BAHCC1: variants seen among roughly 807,000 people sequenced by gnomAD.
The protein encoded by BAHCC1 is BAH and coiled-coil domain-containing protein 1.
Under a neutral mutation model 88.2 loss-of-function variants are expected in BAHCC1, and 43 were observed. The observed-to-expected ratio is 0.49, with a 90% confidence interval of 0.38 to 0.63. BAHCC1 has a LOEUF of 0.63. Among genes scored for constraint, BAHCC1 ranks in the 20% least tolerant of loss-of-function variants. The pLI, the probability that BAHCC1 is intolerant of heterozygous loss-of-function variation, is 0.00. For synonymous variants in BAHCC1, 1,510 were observed against 745.5 expected (o/e 2.03, Z -16.71); for missense variants, 3,023 against 1,654.8 (o/e 1.83, Z -14.34).
chr17:81,440,348 G>A (rs1376916778), intron 4 of BAHCC1, among the ~76,000 whole-genome samples: 1 of 152,230 alleles, frequency 6.6e-6, no homozygotes, highest in Non-Finnish European at 1.5e-5. Context: ...ATATTTTGGT[G>A]GAGCTGTGTC....
chr17:81,443,727 G>C (rs782795177), intron 5 of BAHCC1, 82 bp from the exon 6 acceptor site: 1 of 683,154 alleles, frequency 1.5e-6, no homozygotes, highest in Non-Finnish European at 2.7e-6. Flanking sequence ...CCCCCAGCTC[G>C]AAGCGGGGTC....
chr17:81,445,094 C>A lies in BAHCC1; in HGVS notation c.2751C>A (p.Gly917=). ...RGPASHMQHP[G]QLPVYSRPQL... ...CCGCCTCTCACATGCAGCACCCGGG[C>A]CAGCTCCCTGTGTACTCGAGGCCGC... Residue 917 remains glycine, a synonymous_variant, in exon 9 of 28, where the codon GGC becomes GGA. Coordinates refer to ENST00000675386, the MANE Select transcript of BAHCC1 (RefSeq NM_001377448.1). 1.3e-6 allele frequency: 1 copy of A among 771,642 alleles called. No homozygotes were observed. Among genetic ancestry groups the A allele is most frequent in the East Asian group, 2.4e-5 (1 of 40,902 alleles). The allele number at this position is 771,642 out of a possible 1,614,324, so 47.8% of individuals were successfully genotyped here. A position where few individuals can be genotyped will look rare whatever the true frequency, so the allele number is the denominator to read the frequency against.
chr17:81,453,752 G>C (rs1344141303), intron 14 of BAHCC1, among the ~76,000 whole-genome samples: 2 of 152,224 alleles, frequency 1.3e-5, no homozygotes, highest in African/African-American at 4.8e-5. Flanking sequence ...AGGACAGGGA[G>C]GGAAACTGAG....
rs782816393 is a variant in BAHCC1, at chr17:81,399,629, G to T, written c.-111G>T. 2 of 712,600 alleles carry T rather than the reference G, an allele frequency of 2.8e-6. No individual in the cohort carries two copies. The highest frequency in any genetic ancestry group is 4.2e-5 in the South Asian group (2 of 47,728). The allele number at this position is 712,600 out of a possible 1,614,324, so 44.1% of individuals were successfully genotyped here. On this transcript the variant is annotated 5_prime_UTR_variant, in exon 2 of 28. Transcript: ENST00000675386. The surrounding 1 kb of genome is among the most constrained non-coding windows in gnomAD (Gnocchi z 4.5). ...GCTGACCGGCCCCGCCGCCACCACCGCCTGTGACCCCGGACGCCGCCGCCT... is the reference window on the plus strand; with the variant it reads ...GCTGACCGGCCCCGCCGCCACCACCTCCTGTGACCCCGGACGCCGCCGCCT...
chr17:81,445,432 G>A lies in BAHCC1; in HGVS notation c.2914G>A (p.Ala972Thr). ...CCCAAAGTCCACCCACAAGCCAGTT[G>A]CCTTAACCCCCACGGCCCCGGGCGC... is the stretch of plus-strand genomic sequence containing the variant. Reference protein sequence around the residue: ...KAPKSTHKPVALTPTAPGAPS... With the variant: ...KAPKSTHKPVTLTPTAPGAPS... Residue 972 changes from alanine (A) to threonine (T), a missense_variant, in exon 10 of 28, where the codon GCC (alanine) becomes ACC (threonine). Ala to Thr is a moderately conservative substitution (Grantham distance 58, BLOSUM62 0). Transcript: ENST00000675386. 1.3e-6 allele frequency: 1 copy of A among 774,662 alleles called. No homozygotes were observed. The highest frequency in any genetic ancestry group is 2.4e-6 in the Non-Finnish European group (1 of 416,310). The allele number at this position is 774,662 out of a possible 1,614,324, so 48.0% of individuals were successfully genotyped here.
Position 81,459,106 on chromosome 17 carries a change from C to T in BAHCC1, c.5658C>T (p.Leu1886=), listed in dbSNP as rs782658241. 3.9e-6 allele frequency: 3 copies of T among 771,990 alleles called. No homozygotes were observed. The highest frequency in any genetic ancestry group is 1.4e-5 in the South Asian group (1 of 73,482). 47.8% of individuals were successfully genotyped at this position (771,990 alleles called of 1,614,324 possible). ...ACCTGCGGGACGGGCTGCCCGTGCTCATCCCCAAGGAGGATAGCCTGCTGT... is the reference window on the plus strand; with the variant it reads ...ACCTGCGGGACGGGCTGCCCGTGCTTATCCCCAAGGAGGATAGCCTGCTGT... ...KEDLRDGLPV[L]IPKEDSLLYA... The change falls in exon 21 of 28, where the codon CTC becomes CTT. Residue 1886 remains leucine, a synonymous_variant. Coordinates refer to ENST00000675386, the MANE Select transcript of BAHCC1 (RefSeq NM_001377448.1).
rs1555658445 is a variant in BAHCC1 at position 81,459,188 on chromosome 17, G to A, written c.5720+20G>A. 1.3e-6 allele frequency: 1 copy of A among 768,010 alleles called. No homozygotes were observed. Among genetic ancestry groups the A allele is most frequent in the South Asian group, 1.4e-5 (1 of 73,142 alleles). 47.6% of individuals were successfully genotyped at this position (768,010 alleles called of 1,614,324 possible). ...CGACATGTGAGGCCTGGGCATGGTGGGGCAGGGCAGGGGCCTGGAGGGCAA... is the reference window on the plus strand; with the variant it reads ...CGACATGTGAGGCCTGGGCATGGTGAGGCAGGGCAGGGGCCTGGAGGGCAA... On this transcript the variant is annotated intron_variant, in intron 21 of 27. Transcript: ENST00000675386.
intron 2 of BAHCC1, among the ~76,000 whole-genome samples, chr17:81,414,511 C>T (rs1409495638): frequency 1.3e-5 from 2 of 152,244 alleles, no homozygotes; most frequent in African/African-American, 4.8e-5. Context: ...CGGCCAGCCC[C>T]ATCTACCCCA....
At chr17:81,431,172 A>G (rs1346178032) in intron 3 of BAHCC1, among the ~76,000 whole-genome samples, 2 of 152,040 alleles carry the variant, frequency 1.3e-5, no homozygotes, top group Admixed American at 1.3e-4. Context: ...ATCCAGGCCT[A>G]TGATCCCCCC....
intron 26 of BAHCC1, 118 bp from the exon 27 acceptor site, chr17:81,462,622 G>GCACACT (rs1177282172): frequency 3.2e-6 from 2 of 624,672 alleles, no homozygotes; most frequent in Non-Finnish European, 5.7e-6. Context: ...TGGGCGCCCT[G>GCACACT]CACACTCACA....
intron 4 of BAHCC1, among the ~76,000 whole-genome samples, 167 bp from the exon 5 acceptor site, chr17:81,441,664 G>A (rs1223563516): frequency 4.8e-5 from 4 of 83,380 alleles, no homozygotes; most frequent in East Asian, 3.2e-4. Flanking sequence ...GCGAGACTCC[G>A]TCTCAAAAAA....
intron 1 of BAHCC1, among the ~76,000 whole-genome samples, chr17:81,397,764 C>T (rs962261370): frequency 4.6e-5 from 7 of 152,210 alleles, no homozygotes; most frequent in Non-Finnish European, 7.3e-5. Context: ...TTTGTTAGAC[C>T]CGGGGAGAGA....
Position 81,458,680 on chromosome 17 carries a change from G to A in BAHCC1, c.5403G>A (p.Gly1801=). The A allele has an allele frequency of 1.4e-6, 1 of 725,038 alleles. No homozygotes were observed. The highest frequency in any genetic ancestry group is 2.6e-6 in the Non-Finnish European group (1 of 389,548). The allele number at this position is 725,038 out of a possible 1,614,324, so 44.9% of individuals were successfully genotyped here. ...CACGCAACGCCAAGGCCATCCTGGGGAAGGGCCGGAAGCTGAGCAAGGTGA... is the reference window on the plus strand; with the variant it reads ...CACGCAACGCCAAGGCCATCCTGGGAAAGGGCCGGAAGCTGAGCAAGGTGA... ...LATRNAKAIL[G]KGRKLSKVKH... Residue 1801 remains glycine (G), a synonymous_variant, in exon 19 of 28, where the codon GGG becomes GGA. Coordinates refer to ENST00000675386, the MANE Select transcript of BAHCC1 (RefSeq NM_001377448.1).
At chr17:81,418,810 C>CATGTGT (rs1555649155) in intron 2 of BAHCC1, among the ~76,000 whole-genome samples, 13 of 146,432 alleles carry the variant, frequency 8.9e-5, no homozygotes, top group South Asian at 2.2e-4. Context: ...TGTGTGTGTA[C>CATGTGT]GTGTGTGTGT....
At chr17:81,431,185 C>T (rs952515159) in intron 3 of BAHCC1, among the ~76,000 whole-genome samples, 2 of 152,244 alleles carry the variant, frequency 1.3e-5, no homozygotes, top group African/African-American at 4.8e-5. Flanking sequence ...ATCCCCCCTC[C>T]GGAGGTGTCC....
Position 81,454,207 on chromosome 17 carries a change from G to T in BAHCC1, c.4446-1060G>T, listed in dbSNP as rs900185292. Among the ~76,000 whole-genome samples the T allele has an allele frequency of 3.3e-5, 5 of 152,360 alleles. No homozygotes were observed. In the East Asian group the frequency reaches 9.7e-4, roughly 29 times the overall value. On this transcript the variant is annotated intron_variant, in intron 14 of 27. Coordinates refer to ENST00000675386, the MANE Select transcript of BAHCC1 (RefSeq NM_001377448.1). ...ATGGGGCAGTGGGAGGTTCTGGGGAGGGTGGGTCACCCACACAAGAGGGGG... is the reference window on the plus strand; with the variant it reads ...ATGGGGCAGTGGGAGGTTCTGGGGATGGTGGGTCACCCACACAAGAGGGGG...
intron 4 of BAHCC1, among the ~76,000 whole-genome samples, chr17:81,440,908 T>C (rs1464534724): frequency 6.6e-6 from 1 of 152,174 alleles, no homozygotes; most frequent in African/African-American, 2.4e-5. Context: ...GTCCAGCAGG[T>C]GGGTGAGCCC....
intron 2 of BAHCC1, among the ~76,000 whole-genome samples, chr17:81,420,007 A>C (rs1388945021): frequency 6.6e-6 from 1 of 152,018 alleles, no homozygotes; most frequent in African/African-American, 2.4e-5. Flanking sequence ...GGGGTGGGGC[A>C]CAGTGGGCAC....
In BAHCC1 at chr17:81,447,362, G is replaced by A. The variant is rs782267256; in HGVS notation, c.3490G>A (p.Glu1164Lys). 8 of 739,394 alleles carry A rather than the reference G, an allele frequency of 1.1e-5. No individual in the cohort carries two copies. The highest frequency in any genetic ancestry group is 8.7e-5 in the South Asian group (6 of 69,268). 45.8% of individuals were successfully genotyped at this position (739,394 alleles called of 1,614,324 possible). ...AGAACTGCAATGTGCGGCCCTCCTG[G>A]AGGCAGGGGGCCCCGAGGCCACCGG... ...LQELQCAALL[E>K]AGGPEATGQA... is the part of the protein sequence containing the mutation. Residue 1164 changes from glutamate to lysine, a missense_variant, in exon 11 of 28, where the codon GAG (glutamate) becomes AAG (lysine). Physicochemically the swap from Glu to Lys is moderately conservative, Grantham distance 56. Coordinates refer to ENST00000675386, the MANE Select transcript of BAHCC1 (RefSeq NM_001377448.1).
Sources: gnomAD v4.1 joint callset for allele counts (sites outside exome capture counted in the v4.1 genomes callset) on GRCh38, gnomAD v4.1.1 for gene constraint, Gnocchi (gnomAD v3.1) non-coding constraint, MANE v1.5 for transcripts, NCBI Gene and HGNC (gene_info 2026-07-23, HGNC 2026-07-21) for gene names.